The following ABI3BP variants were observed in gnomAD, a reference collection of about 807,000 sequenced individuals.
ABI3BP encodes the protein target of Nesh-SH3.
Under a neutral mutation model 268.6 loss-of-function variants are expected in ABI3BP, and 216 were observed. That is an observed-to-expected ratio of 0.80 (90% CI 0.72 to 0.90). ABI3BP has a LOEUF of 0.90. Among genes scored for constraint, ABI3BP ranks in the 40% least tolerant of loss-of-function variants. ABI3BP has a pLI of 0.00. For synonymous variants in ABI3BP, 730 were observed against 730.0 expected (o/e 1.00, Z 0.00); for missense variants, 2,090 against 2,182.4 (o/e 0.96, Z 0.84).
chr3:100,752,562 G>T, intron 66 of ABI3BP: 1 of 444,308 alleles, frequency 2.3e-6, no homozygotes, highest in Non-Finnish European at 4.0e-6. Context: ...TGTCATGATG[G>T]CACTGTTTTA....
intron 6 of ABI3BP, 77 bp from the exon 7 acceptor site, chr3:100,876,637 G>C: frequency 7.6e-7 from 1 of 1,312,994 alleles, no homozygotes; most frequent in Non-Finnish European, 1.1e-6. Flanking sequence ...CGGAGAACTG[G>C]AAGTAGCCCT....
rs371598194 is a variant in ABI3BP, at chr3:100,749,172, T to TTTA, written c.*1320_*1322dup. ...TGGTAATCGTTGGTTTAAAATGAAC[T>TTTA]TTATTACTTCATAGGATGAAAGGTT... On this transcript the variant is annotated 3_prime_UTR_variant, in exon 68 of 68. Coordinates refer to ENST00000471714, the MANE Select transcript of ABI3BP (RefSeq NM_001375547.2). The TTTA allele has an allele frequency of 2.9e-5, 3 of 103,108 alleles. No individual in the cohort carries two copies. Among genetic ancestry groups the TTTA allele is most frequent in the African/African-American group, 1.1e-4 (3 of 27,434 alleles). The allele number at this position is 103,108 out of a possible 1,614,324, so 6.4% of individuals were successfully genotyped here. A position where few individuals can be genotyped will look rare whatever the true frequency, so the allele number is the denominator to read the frequency against.
At chr3:100,855,806 T>A (rs1205817768) in intron 14 of ABI3BP, among the ~76,000 whole-genome samples, 1 of 152,166 alleles carries the variant, frequency 6.6e-6, no homozygotes, top group Non-Finnish European at 1.5e-5. Flanking sequence ...ATACAGCAAG[T>A]AGCTAGAGGA....
chr3:100,794,803 A>G (rs2097296923), intron 54 of ABI3BP, 120 bp downstream of exon 54: 4 of 701,842 alleles, frequency 5.7e-6, no homozygotes, highest in Non-Finnish European at 9.8e-6. Context: ...ATTGAGTGAA[A>G]TGGATTTTTA....
intron 62 of ABI3BP, among the ~76,000 whole-genome samples, chr3:100,766,941 G>A (rs547330): frequency 0.76 from 115,248 of 152,084 alleles, 43,784 homozygotes; most frequent in Middle Eastern, 0.82. Flanking sequence ...GTATGAGATG[G>A]ACATTGGAAA....
intron 20 of ABI3BP, chr3:100,844,045 A>C: frequency 1.0e-6 from 1 of 980,668 alleles, no homozygotes. Context: ...TGTTTAGTAA[A>C]AATAAATATA....
intron 14 of ABI3BP, among the ~76,000 whole-genome samples, chr3:100,856,826 G>A (rs1003135196): frequency 6.6e-6 from 1 of 152,130 alleles, no homozygotes; most frequent in South Asian, 2.1e-4. Flanking sequence ...CCATCTGTGG[G>A]ATGATAAATA....
At chr3:100,980,343 G>A (rs113709746) in intron 1 of ABI3BP, among the ~76,000 whole-genome samples, 18 of 152,126 alleles carry the variant, frequency 1.2e-4, no homozygotes, top group African/African-American at 2.2e-4. Flanking sequence ...CCATTCTCCC[G>A]CCTCAGCCTC....
At position 100,879,028 on chromosome 3, in the gene ABI3BP, G is replaced by A. The variant is rs185886550; in HGVS notation, c.697-2468C>T. 2.4e-4 allele frequency among the ~76,000 whole-genome samples: 37 copies of A among 152,138 alleles called. No individual in the cohort carries two copies. In the East Asian group the frequency reaches 7.1e-3, roughly 29 times the overall value. ...TTACCTGTCATTTTTTTGTGGCAAG[G>A]CATTTGAAATTTATCTTCAGCAATT... is the stretch of plus-strand genomic sequence containing the variant. On this transcript the variant is annotated intron_variant, in intron 6 of 67. Coordinates refer to ENST00000471714, the MANE Select transcript of ABI3BP (RefSeq NM_001375547.2).
At chr3:100,957,367 A>C (rs2077196925) in intron 1 of ABI3BP, among the ~76,000 whole-genome samples, 1 of 152,182 alleles carries the variant, frequency 6.6e-6, no homozygotes, top group Non-Finnish European at 1.5e-5. Context: ...ACAGGAAAAT[A>C]TGGGGTAGAG....
intron 9 of ABI3BP, among the ~76,000 whole-genome samples, chr3:100,868,359 C>T (rs1057070947): frequency 6.6e-6 from 1 of 152,160 alleles, no homozygotes; most frequent in African/African-American, 2.4e-5. Context: ...TTTCTAACAA[C>T]CAAAATATCT....
At chr3:100,850,543 T>C (rs2098825980) in intron 16 of ABI3BP, 117 bp downstream of exon 16, 2 of 738,910 alleles carry the variant, frequency 2.7e-6, no homozygotes, top group Non-Finnish European at 4.6e-6. Flanking sequence ...TATTGAGAAA[T>C]AGGATAGATA....
At chr3:100,820,088 G>C (rs967784994) in intron 40 of ABI3BP, 132 bp downstream of exon 40, 2 of 722,694 alleles carry the variant, frequency 2.8e-6, no homozygotes, top group Admixed American at 2.7e-5. Flanking sequence ...CTCAACAGGG[G>C]GAGCAGTAGC....
intron 20 of ABI3BP, chr3:100,843,643 AAG>A: frequency 1.0e-6 from 1 of 981,760 alleles, no homozygotes; most frequent in African/African-American, 1.8e-5. Context: ...GTGTGTGAGA[AAG>A]AGAAAGGGAA....
At position 100,929,102 on chromosome 3, in the gene ABI3BP, C is replaced by T. The variant is rs565654871; in HGVS notation, c.80-2621G>A. On this transcript the variant is annotated intron_variant, in intron 1 of 67. Coordinates refer to ENST00000471714, the MANE Select transcript of ABI3BP (RefSeq NM_001375547.2). Reference sequence around the variant, plus strand: ...CTTAGAAGGCTATCAAGTCTCACAACGAATCTAAACTCAACCAGCTTATTT... The same window carrying T: ...CTTAGAAGGCTATCAAGTCTCACAATGAATCTAAACTCAACCAGCTTATTT... Among the ~76,000 whole-genome samples, 53 of 152,126 alleles carry T rather than the reference C, an allele frequency of 3.5e-4. 1 individual carries two copies. The highest frequency in any genetic ancestry group is 1.0e-3 in the African/African-American group (43 of 41,532).
At chr3:100,815,870 T>C (rs73135529) in intron 44 of ABI3BP, 42 bp downstream of exon 44, 275,943 of 1,455,486 alleles carry the variant, frequency 0.19, 29,007 homozygotes, top group South Asian at 0.26. Flanking sequence ...CGTTTTTAAA[T>C]GGCAATAAAA....
In ABI3BP at chr3:100,835,524, C is replaced by G. The variant is rs1304700411; in HGVS notation, c.2191+77G>C. The G allele has an allele frequency of 3.5e-6, 4 of 1,141,216 alleles. No homozygotes were observed. In the African/African-American group the frequency reaches 6.4e-5, roughly 18 times the overall value. The allele number at this position is 1,141,216 out of a possible 1,614,324, so 70.7% of individuals were successfully genotyped here. On this transcript the variant is annotated intron_variant, in intron 28 of 67. Coordinates refer to ENST00000471714, the MANE Select transcript of ABI3BP (RefSeq NM_001375547.2). ...AGAAAATCTTATGAAAGAAAAAACCCTTAGCCCAAATAGTGATGGAATAGA... is the reference window on the plus strand; with the variant it reads ...AGAAAATCTTATGAAAGAAAAAACCGTTAGCCCAAATAGTGATGGAATAGA...
chr3:100,933,622 C>A (rs1253452936), intron 1 of ABI3BP, among the ~76,000 whole-genome samples: 3 of 45,750 alleles, frequency 6.6e-5, no homozygotes, highest in Admixed American at 3.5e-4. Context: ...CATTGGGAGA[C>A]AATATTTGCA....
chr3:100,981,820 C>T (rs1296460673), intron 1 of ABI3BP, among the ~76,000 whole-genome samples: 1 of 152,118 alleles, frequency 6.6e-6, no homozygotes. Context: ...ACCACAGGCT[C>T]AGACACTCTA....
Sources: gnomAD v4.1 joint callset for allele counts (sites outside exome capture counted in the v4.1 genomes callset) on GRCh38, gnomAD v4.1.1 for gene constraint, MANE v1.5 for transcripts, NCBI Gene and HGNC (gene_info 2026-07-23, HGNC 2026-07-21) for gene names.